The following PSD3 variants were observed in gnomAD, a reference collection of about 807,000 sequenced individuals.
PSD3 encodes the protein PH and SEC7 domain-containing protein 3.
A neutral mutation model predicts 105.5 loss-of-function variants in PSD3; 49 were observed. The ratio of observed to expected loss-of-function variants is 0.46; its 90% CI spans 0.37 to 0.59. PSD3 has a LOEUF of 0.59. Among genes scored for constraint, PSD3 ranks in the 20% least tolerant of loss-of-function variants. The pLI, the probability that PSD3 is intolerant of heterozygous loss-of-function variation, is 0.00. For missense variants in PSD3, 1,561 were observed against 1,263.8 expected (o/e 1.24, Z -3.57); for synonymous variants, 557 against 457.8 (o/e 1.22, Z -2.77).
chr8:18,701,832 A>G (rs1245412542), intron 9 of PSD3, among the ~76,000 whole-genome samples: 1 of 152,228 alleles, frequency 6.6e-6, no homozygotes, highest in African/African-American at 2.4e-5. Flanking sequence ...ATCTACGTAC[A>G]AAGTAGAGAT....
intron 9 of PSD3, among the ~76,000 whole-genome samples, chr8:18,705,311 C>G (rs547139762): frequency 6.6e-6 from 1 of 152,144 alleles, no homozygotes; most frequent in African/African-American, 2.4e-5. Context: ...GTGGACTGCT[C>G]AAGCTCAGTA....
chr8:18,663,946 A>T (rs940226804), intron 9 of PSD3, among the ~76,000 whole-genome samples: 1 of 152,176 alleles, frequency 6.6e-6, no homozygotes, highest in Non-Finnish European at 1.5e-5. Flanking sequence ...TTTGATTATT[A>T]TATTTGCTAT....
intron 4 of PSD3, among the ~76,000 whole-genome samples, chr8:18,838,714 A>G (rs1302263338): frequency 1.3e-5 from 2 of 151,550 alleles, no homozygotes; most frequent in Non-Finnish European, 2.9e-5. Flanking sequence ...AGGCAGGAGA[A>G]TGGCGTGAAC....
chr8:18,535,254 G>C lies in PSD3; in HGVS notation c.*489C>G, dbSNP rs925626333. 6.1e-6 allele frequency: 1 copy of C among 162,864 alleles called. No individual in the cohort carries two copies. The highest frequency in any genetic ancestry group is 1.4e-5 in the Non-Finnish European group (1 of 73,668). The allele number at this position is 162,864 out of a possible 1,614,324, so 10.1% of individuals were successfully genotyped here. The stretch of plus-strand genomic sequence containing the variant: ...ATTCCCAGCACTGTGATTCTTACTG[G>C]AGCATCTGTGAGTGCTCAATTCTAC... On this transcript the variant is annotated 3_prime_UTR_variant, in exon 16 of 16. Coordinates refer to ENST00000327040, the MANE Select transcript of PSD3 (RefSeq NM_015310.4).
chr8:19,029,475 C>T (rs559113124), intron 1 of PSD3, among the ~76,000 whole-genome samples: 1 of 152,158 alleles, frequency 6.6e-6, no homozygotes, highest in African/African-American at 2.4e-5. Context: ...CTGGGGAGGC[C>T]TCAGGAAACT....
In PSD3 at chr8:18,895,800, T is replaced by G. The variant is rs12547211; in HGVS notation, c.131-23067A>C. On this transcript the variant is annotated intron_variant, in intron 2 of 15. Coordinates refer to ENST00000327040, the MANE Select transcript of PSD3 (RefSeq NM_015310.4). ...TTAAACATTTATCATTTCTTTGTGT[T>G]GAAAACATTAAAAGTCCACTCTTTC... Among the ~76,000 whole-genome samples the G allele has an allele frequency of 4.1e-3, 621 of 152,314 alleles. 8 individuals are homozygous for G. The highest frequency in any genetic ancestry group is 0.014 in the African/African-American group (583 of 41,566).
intron 8 of PSD3, among the ~76,000 whole-genome samples, chr8:18,795,692 C>A (rs776103879): frequency 4.6e-5 from 7 of 152,164 alleles, no homozygotes; most frequent in Non-Finnish European, 1.0e-4. Flanking sequence ...CCTGCCAGGA[C>A]GGTAGGAACC....
Position 18,811,982 on chromosome 8 carries a change from G to A in PSD3, c.1635-7084C>T, listed in dbSNP as rs543628370. On this transcript the variant is annotated intron_variant, in intron 4 of 15. Coordinates refer to ENST00000327040, the MANE Select transcript of PSD3 (RefSeq NM_015310.4). ...AAAAAACAATACATACAAATTGAAA[G>A]AAAAATCATTTTTATTATTAAATAA... Among the ~76,000 whole-genome samples the A allele has an allele frequency of 4.6e-5, 7 of 152,262 alleles. No homozygotes were observed. In the South Asian group the frequency reaches 1.5e-3, roughly 32 times the overall value.
chr8:18,706,078 C>G lies in PSD3; in HGVS notation c.2173-50393G>C, dbSNP rs541062072. Among the ~76,000 whole-genome samples the G allele has an allele frequency of 1.2e-4, 19 of 152,240 alleles. No individual in the cohort carries two copies. The South Asian group carries it at 3.9e-3, about 32-fold the overall frequency. ...AAATGCACTGTATAGGTTGGCTCAG[C>G]GTCCAGTTCTTCCCTTCCACCACAG... On this transcript the variant is annotated intron_variant, in intron 9 of 15. Transcript: ENST00000327040.
At chr8:18,733,553 G>A (rs1361341363) in intron 9 of PSD3, 1 of 152,666 alleles carries the variant, frequency 6.6e-6, no homozygotes, top group Non-Finnish European at 1.5e-5. Flanking sequence ...AAGTGGAGAT[G>A]TGATGAGATT....
chr8:18,539,670 C>T (rs1383007216), intron 15 of PSD3, among the ~76,000 whole-genome samples: 1 of 151,264 alleles, frequency 6.6e-6, no homozygotes, highest in Admixed American at 6.6e-5. Context: ...GCCTCAGCCT[C>T]TGGAGTAGCT....
chr8:18,639,832 C>G (rs1042418276), intron 10 of PSD3, among the ~76,000 whole-genome samples: 1 of 152,154 alleles, frequency 6.6e-6, no homozygotes, highest in Non-Finnish European at 1.5e-5. Context: ...TTAATTTTAT[C>G]ACTTTTGCAG....
At position 18,753,290 on chromosome 8, in the gene PSD3, G is replaced by C. The variant is rs377525879; in HGVS notation, c.2172+12159C>G. ...AATCACTCGAACCCAGGAGGTGGAA[G>C]TTGCAGTGAGCCGAGATCATGCCAC... is the stretch of plus-strand genomic sequence containing the variant. On this transcript the variant is annotated intron_variant, in intron 9 of 15. Coordinates refer to ENST00000327040, the MANE Select transcript of PSD3 (RefSeq NM_015310.4). 7.9e-5 allele frequency among the ~76,000 whole-genome samples: 12 copies of C among 151,854 alleles called. 1 individual carries two copies. The East Asian group carries it at 1.6e-3, about 20-fold the overall frequency.
chr8:18,594,439 TA>T (rs1803940948), intron 12 of PSD3, among the ~76,000 whole-genome samples: 1 of 125,780 alleles, frequency 8.0e-6, no homozygotes, highest in African/African-American at 3.1e-5. Flanking sequence ...TATAATATAT[TA>T]TATTATTTAT....
chr8:18,644,384 T>C (rs1234010213), intron 10 of PSD3, among the ~76,000 whole-genome samples: 1 of 152,232 alleles, frequency 6.6e-6, no homozygotes, highest in African/African-American at 2.4e-5. Flanking sequence ...ACCAGATATC[T>C]TAGCTCCTTG....
intron 1 of PSD3, among the ~76,000 whole-genome samples, chr8:18,991,353 TACAC>T: frequency 1.7e-5 from 1 of 57,526 alleles, no homozygotes; most frequent in African/African-American, 4.8e-5. Context: ...CACACACACA[TACAC>T]ACACACACAC....
Position 18,582,700 on chromosome 8 carries a change from A to T in PSD3, c.2482-7415T>A, listed in dbSNP as rs189635922. 6.4e-4 allele frequency among the ~76,000 whole-genome samples: 97 copies of T among 152,142 alleles called. 1 individual carries two copies. Among genetic ancestry groups the T allele is most frequent in the African/African-American group, 2.2e-3 (92 of 41,496 alleles). On this transcript the variant is annotated intron_variant, in intron 12 of 15. Transcript: ENST00000327040. ...TCAACACCTCAAACTAAACTCTCCA[A>T]GTAGAGCTATGTTTCCCCCTCCATC...
At chr8:18,927,729 C>T (rs1199252656) in intron 2 of PSD3, among the ~76,000 whole-genome samples, 1 of 152,164 alleles carries the variant, frequency 6.6e-6, no homozygotes, top group African/African-American at 2.4e-5. Context: ...TTCTGGTGCC[C>T]AGCCCCGTCC....
rs1474641755 is a variant in PSD3 at position 18,789,813 on chromosome 8, C to T, written c.2082+9482G>A. Among the ~76,000 whole-genome samples, 4 of 152,320 alleles carry T rather than the reference C, an allele frequency of 2.6e-5. No homozygotes were observed. In the East Asian group the frequency reaches 7.7e-4, roughly 29 times the overall value. On this transcript the variant is annotated intron_variant, in intron 8 of 15. Coordinates refer to ENST00000327040, the MANE Select transcript of PSD3 (RefSeq NM_015310.4). ...CATCCTCATTCCTCCCTCCTTCCTC[C>T]ACAATCAATTTGCAGAAAGTAAGAA...
Sources: gnomAD v4.1 joint callset for allele counts (sites outside exome capture counted in the v4.1 genomes callset) on GRCh38, gnomAD v4.1.1 for gene constraint, MANE v1.5 for transcripts, NCBI Gene and HGNC (gene_info 2026-07-23, HGNC 2026-07-21) for gene names.